The following PTPRD variants were observed in gnomAD, a reference collection of about 807,000 sequenced individuals.
PTPRD encodes the protein receptor-type tyrosine-protein phosphatase delta.
In PTPRD, 34 loss-of-function variants were observed where a neutral mutation model predicts 214.5. The observed-to-expected ratio is 0.16, with a 90% CI of 0.12 to 0.21. The LOEUF (loss-of-function observed/expected upper bound fraction) is 0.21, where lower values mean the gene tolerates loss of function less well. PTPRD is among the 10% of genes least tolerant of loss of function. The pLI, the probability that PTPRD is intolerant of heterozygous loss-of-function variation, is 1.00. For missense variants in PTPRD, 2,545 were observed against 2,398.7 expected, an observed-to-expected ratio of 1.06 and a Z score of -1.27; for synonymous variants, 1,128 against 845.7, an observed-to-expected ratio of 1.33 and a Z score of -5.79.
chr9:8,718,580 T>C (rs775686642), intron 12 of PTPRD, among the ~76,000 whole-genome samples: 4 of 152,226 alleles, frequency 2.6e-5, no homozygotes, highest in Admixed American at 6.5e-5. Context: ...CATAGTTGAA[T>C]AGACTTAACT....
At chr9:9,749,694 G>A (rs954127444) in intron 6 of PTPRD, among the ~76,000 whole-genome samples, 2 of 152,082 alleles carry the variant, frequency 1.3e-5, no homozygotes, top group African/African-American at 4.8e-5. Context: ...ATATTTTCAA[G>A]GAAGGAAGGC....
intron 11 of PTPRD, among the ~76,000 whole-genome samples, chr9:8,753,109 T>C (rs1029975049): frequency 1.6e-4 from 25 of 152,316 alleles, no homozygotes; most frequent in African/African-American, 5.3e-4. Context: ...AGCTTTCAGA[T>C]CTTTAAAGTA....
intron 43 of PTPRD, among the ~76,000 whole-genome samples, chr9:8,335,849 G>C (rs926755449): frequency 6.6e-6 from 1 of 152,134 alleles, no homozygotes; most frequent in African/African-American, 2.4e-5. Context: ...ACCAATAACA[G>C]CCAAATCATG....
chr9:10,103,377 T>TTTTATATATATATATATATATATA (rs1554643479), intron 3 of PTPRD, among the ~76,000 whole-genome samples: 4 of 72,422 alleles, frequency 5.5e-5, no homozygotes, highest in East Asian at 5.6e-4. Flanking sequence ...AAACTGCATA[T>TTTTATATATATATATATATATATA]TATATATATA....
At position 8,499,725 on chromosome 9, in the gene PTPRD, C is replaced by G. The variant is rs1356574176; in HGVS notation, c.2244G>C (p.Gln748His). ...CATTTTCCATCCTCACATAATGCAC[C>G]TGATATCCTCTTATCTGGCCATGCT... ...NKQHGQIRGY[Q>H]VHYVRMENGE... Residue 748 changes from glutamine to histidine, a missense_variant, in exon 25 of 46, where the codon CAG (glutamine) becomes CAC (histidine). Gln to His is a conservative substitution (Grantham distance 24). Coordinates refer to ENST00000381196, the MANE Select transcript of PTPRD (RefSeq NM_002839.4). The G allele has an allele frequency of 6.2e-7, 1 of 1,614,138 alleles. No homozygotes were observed.
chr9:9,978,122 G>A (rs2095422752), intron 4 of PTPRD, among the ~76,000 whole-genome samples: 1 of 68,278 alleles, frequency 1.5e-5, no homozygotes, highest in Non-Finnish European at 3.5e-5. Context: ...ACACGTGGGA[G>A]AAAGTGATTG....
chr9:9,855,667 C>A (rs973796128), intron 5 of PTPRD, among the ~76,000 whole-genome samples: 3 of 152,210 alleles, frequency 2.0e-5, no homozygotes, highest in Non-Finnish European at 4.4e-5. Context: ...TCCGCACCTG[C>A]AGGAGTGAAC....
intron 9 of PTPRD, among the ~76,000 whole-genome samples, chr9:9,265,106 T>A (rs1222594975): frequency 6.6e-6 from 1 of 151,720 alleles, no homozygotes; most frequent in East Asian, 2.0e-4. Context: ...GTTAACTCAC[T>A]AAAGTAAGTA....
intron 14 of PTPRD, among the ~76,000 whole-genome samples, chr9:8,586,551 A>G (rs1364751725): frequency 6.6e-6 from 1 of 152,136 alleles, no homozygotes; most frequent in East Asian, 1.9e-4. Context: ...GACTTGGTTA[A>G]ATCATTCCAT....
At chr9:9,514,817 C>T (rs970463258) in intron 8 of PTPRD, among the ~76,000 whole-genome samples, 4 of 152,044 alleles carry the variant, frequency 2.6e-5, no homozygotes, top group South Asian at 2.1e-4. Flanking sequence ...TTTGCAGCAC[C>T]GTAAAAAATA....
chr9:10,595,983 A>C (rs891916246), intron 2 of PTPRD, among the ~76,000 whole-genome samples: 1 of 151,972 alleles, frequency 6.6e-6, no homozygotes, highest in Non-Finnish European at 1.5e-5. Flanking sequence ...GCATTTCTTT[A>C]AAAAATTATT....
At chr9:9,097,885 T>G (rs1338493457) in intron 10 of PTPRD, among the ~76,000 whole-genome samples, 3 of 152,264 alleles carry the variant, frequency 2.0e-5, no homozygotes, top group African/African-American at 7.2e-5. Context: ...ATTGGGTTTG[T>G]GTACTATCCA....
chr9:9,138,319 A>G (rs930665055), intron 10 of PTPRD, among the ~76,000 whole-genome samples: 2 of 152,130 alleles, frequency 1.3e-5, no homozygotes, highest in Non-Finnish European at 2.9e-5. Flanking sequence ...ATAATTATTT[A>G]TATGACATGA....
chr9:9,209,765 A>AT, intron 9 of PTPRD, among the ~76,000 whole-genome samples: 1 of 152,342 alleles, frequency 6.6e-6, no homozygotes, highest in Admixed American at 6.5e-5. Flanking sequence ...AATAGAAAAT[A>AT]TTTAAAAATA....
At chr9:9,787,707 A>C (rs2098935523) in intron 5 of PTPRD, among the ~76,000 whole-genome samples, 1 of 151,914 alleles carries the variant, frequency 6.6e-6, no homozygotes, top group Non-Finnish European at 1.5e-5. Flanking sequence ...AGAAAGATTA[A>C]AGACACAAAA....
chr9:9,214,892 T>A (rs961758995), intron 9 of PTPRD, among the ~76,000 whole-genome samples: 4 of 152,180 alleles, frequency 2.6e-5, no homozygotes, highest in Non-Finnish European at 5.9e-5. Context: ...CCCAGAGATG[T>A]TAAGTAACGT....
chr9:8,433,843 T>G (rs992158566), intron 35 of PTPRD, among the ~76,000 whole-genome samples: 1 of 152,158 alleles, frequency 6.6e-6, no homozygotes, highest in African/African-American at 2.4e-5. Context: ...AAGTTTATAG[T>G]GTTTATAAAG....
chr9:9,934,550 C>A (rs976583941), intron 5 of PTPRD, among the ~76,000 whole-genome samples: 12 of 151,284 alleles, frequency 7.9e-5, no homozygotes, highest in Admixed American at 5.9e-4. Flanking sequence ...TCTGAATAGA[C>A]CAATAACAGG....
At chr9:8,466,874 T>A (rs896622773) in intron 31 of PTPRD, among the ~76,000 whole-genome samples, 2 of 151,794 alleles carry the variant, frequency 1.3e-5, no homozygotes, top group Admixed American at 1.3e-4. Flanking sequence ...CAAAGTGTGA[T>A]CTCTACTTAG....
Sources: allele counts gnomAD v4.1 joint callset (sites outside exome capture counted in the v4.1 genomes callset), GRCh38; gene constraint gnomAD v4.1.1; transcripts MANE v1.5; gene names NCBI Gene and HGNC (gene_info 2026-07-23, HGNC 2026-07-21).